Variants in GRID1 observed in about 807,000 individuals in gnomAD.
The protein encoded by GRID1 is glutamate ionotropic receptor delta type subunit 1, also known as glutamate receptor ionotropic, delta-1.
GRID1 carries 28 observed loss-of-function variants against 98.0 expected under a neutral mutation model. That is an observed-to-expected ratio of 0.29 (90% CI 0.21 to 0.39). The LOEUF (loss-of-function observed/expected upper bound fraction) is 0.39, where lower values mean the gene tolerates loss of function less well. Among genes scored for constraint, GRID1 ranks in the 10% least tolerant of loss-of-function variants. The probability of loss-of-function intolerance (pLI) is 1.00; values close to 1 mark genes in which losing one functional copy is unlikely to be tolerated. For missense variants in GRID1, 1,111 were observed against 1,340.5 expected (o/e 0.83, Z 2.67); for synonymous variants, 553 against 538.5 (o/e 1.03, Z -0.37).
chr10:85,777,698 G>A (rs546031726), intron 8 of GRID1, among the ~76,000 whole-genome samples: 31 of 152,160 alleles, frequency 2.0e-4, no homozygotes, highest in Non-Finnish European at 3.7e-4. Flanking sequence ...TTCTCAACTG[G>A]TCATAGCTCA....
chr10:86,366,727 C>G lies in GRID1; in HGVS notation c.-335G>C, dbSNP rs971856239. Among the ~76,000 whole-genome samples, 251 of 150,096 alleles carry G rather than the reference C, an allele frequency of 1.7e-3. 1 individual carries two copies. Among genetic ancestry groups the G allele is most frequent in the Non-Finnish European group, 2.5e-3 (166 of 66,762 alleles). On this transcript the variant is annotated 5_prime_UTR_variant, in exon 1 of 16. Transcript: ENST00000327946. The surrounding 1 kb of genome is among the most constrained non-coding windows in gnomAD (Gnocchi z 4.1). ...GCTTCGGGGGAGGCTGAGGCGGTGG[C>G]GGCGGCGGCCGGGCCGGCGTGGCGG...
intron 2 of GRID1, among the ~76,000 whole-genome samples, chr10:86,335,263 T>G (rs1848206741): frequency 6.6e-6 from 1 of 152,234 alleles, no homozygotes; most frequent in African/African-American, 2.4e-5. Context: ...ACCTCCCAGG[T>G]GCTGGGCACT....
chr10:86,355,576 G>A (rs939604306), intron 2 of GRID1, among the ~76,000 whole-genome samples: 1 of 152,110 alleles, frequency 6.6e-6, no homozygotes, highest in Non-Finnish European at 1.5e-5. Context: ...ACCTAGAAAC[G>A]GAAGGGGCAT....
At chr10:85,755,597 G>C (rs1382344151) in intron 8 of GRID1, among the ~76,000 whole-genome samples, 1 of 152,152 alleles carries the variant, frequency 6.6e-6, no homozygotes, top group African/African-American at 2.4e-5. Context: ...CATTGCCAAG[G>C]AGGGCGCTCA....
chr10:85,752,824 G>C (rs1842060355), intron 8 of GRID1, among the ~76,000 whole-genome samples: 1 of 151,962 alleles, frequency 6.6e-6, no homozygotes, highest in Non-Finnish European at 1.5e-5. Context: ...ATTACTAAAA[G>C]GTAACTTTTA....
intron 5 of GRID1, among the ~76,000 whole-genome samples, chr10:85,906,640 C>A (rs1841465602): frequency 6.6e-6 from 1 of 152,082 alleles, no homozygotes; most frequent in Non-Finnish European, 1.5e-5. Context: ...AAACATACTT[C>A]TAAAACCCAT....
At chr10:85,947,796 T>A (rs913913405) in intron 4 of GRID1, among the ~76,000 whole-genome samples, 9 of 152,186 alleles carry the variant, frequency 5.9e-5, no homozygotes, top group African/African-American at 2.2e-4. Flanking sequence ...GGGTCAGACG[T>A]CCCAATACAC....
rs1330586215 is a variant in GRID1, at chr10:85,878,913, G to A, written c.781-9733C>T. Among the ~76,000 whole-genome samples the A allele has an allele frequency of 2.6e-5, 4 of 152,164 alleles. No individual in the cohort carries two copies. In the East Asian group the frequency reaches 7.7e-4, roughly 29 times the overall value. On this transcript the variant is annotated intron_variant, in intron 5 of 15. Transcript: ENST00000327946. ...GAGACACAAATAGGCTCAAAATAAA[G>A]GGATGGAGGAAGATCTACCAAGCAA...
intron 4 of GRID1, among the ~76,000 whole-genome samples, chr10:86,016,327 T>C (rs979003870): frequency 6.6e-6 from 1 of 151,884 alleles, no homozygotes; most frequent in Admixed American, 6.6e-5. Context: ...TTTGTATTTT[T>C]AGTAGAGACG....
chr10:85,664,743 TCTTTC>T (rs1327160008), intron 12 of GRID1, among the ~76,000 whole-genome samples: 1 of 152,204 alleles, frequency 6.6e-6, no homozygotes, highest in Non-Finnish European at 1.5e-5. Context: ...CTACTTGAAG[TCTTTC>T]CTTTCAACTT....
intron 4 of GRID1, among the ~76,000 whole-genome samples, chr10:85,986,833 T>C (rs934526049): frequency 1.3e-5 from 2 of 152,190 alleles, no homozygotes; most frequent in Non-Finnish European, 2.9e-5. Context: ...AGAGCTTCCT[T>C]CTCTTATGAA....
At chr10:86,101,050 G>A (rs1281383993) in intron 4 of GRID1, among the ~76,000 whole-genome samples, 4 of 151,996 alleles carry the variant, frequency 2.6e-5, no homozygotes, top group Non-Finnish European at 5.9e-5. Context: ...GAAGGGGCTC[G>A]TGACTATCTG....
intron 8 of GRID1, among the ~76,000 whole-genome samples, chr10:85,843,864 A>G (rs2131773335): frequency 6.8e-6 from 1 of 146,336 alleles, no homozygotes; most frequent in East Asian, 2.0e-4. Context: ...ACTCTGGAAA[A>G]CAGTTTGGCT....
intron 2 of GRID1, among the ~76,000 whole-genome samples, chr10:86,224,172 G>A (rs1020865710): frequency 1.5e-5 from 2 of 136,918 alleles, no homozygotes; most frequent in African/African-American, 5.3e-5. Context: ...TCCCACCCCC[G>A]ACACTCCCAG....
rs901330169 is a variant in GRID1, at chr10:85,831,811, A to G, written c.1233+22685T>C. On this transcript the variant is annotated intron_variant, in intron 8 of 15. Coordinates refer to ENST00000327946, the MANE Select transcript of GRID1 (RefSeq NM_017551.3). Reference sequence around the variant, plus strand: ...TCAAAATATACGGAATTCAGCTAAAACAGTACTGTAAAGTAAATTCATAGC... The same window carrying G: ...TCAAAATATACGGAATTCAGCTAAAGCAGTACTGTAAAGTAAATTCATAGC... Among the ~76,000 whole-genome samples, 4 of 152,252 alleles carry G rather than the reference A, an allele frequency of 2.6e-5. No homozygotes were observed. In the East Asian group the frequency reaches 7.7e-4, roughly 29 times the overall value.
chr10:85,967,151 TC>T (rs1842347737), intron 4 of GRID1, among the ~76,000 whole-genome samples: 1 of 152,200 alleles, frequency 6.6e-6, no homozygotes, highest in Non-Finnish European at 1.5e-5. Context: ...TTGTGAGGCC[TC>T]CCCAGCCATG....
chr10:86,035,064 G>C (rs999826816), intron 4 of GRID1, among the ~76,000 whole-genome samples: 4 of 152,140 alleles, frequency 2.6e-5, no homozygotes, highest in African/African-American at 9.7e-5. Context: ...ACAGTCATTT[G>C]GAAAGGAGGT....
chr10:86,275,851 G>A (rs1226854246), intron 2 of GRID1, among the ~76,000 whole-genome samples: 1 of 152,134 alleles, frequency 6.6e-6, no homozygotes, highest in African/African-American at 2.4e-5. Flanking sequence ...TAAAGGGGAA[G>A]AAGAATATTT....
At chr10:86,154,498 G>T (rs990849427) in intron 3 of GRID1, among the ~76,000 whole-genome samples, 2 of 152,022 alleles carry the variant, frequency 1.3e-5, no homozygotes, top group Admixed American at 6.6e-5. Flanking sequence ...TCTCCAGAAG[G>T]GCCCCCGGCT....
Sources: gnomAD v4.1 joint callset for allele counts (sites outside exome capture counted in the v4.1 genomes callset) on GRCh38, gnomAD v4.1.1 for gene constraint, Gnocchi (gnomAD v3.1) non-coding constraint, MANE v1.5 for transcripts, NCBI Gene and HGNC (gene_info 2026-07-23, HGNC 2026-07-21) for gene names.